Variants in SIK3 observed in about 807,000 individuals in gnomAD.
The protein encoded by SIK3 is SIK family kinase 3.
In SIK3, 28 loss-of-function variants were observed where a neutral mutation model predicts 144.2. That is an observed-to-expected ratio of 0.19 (90% CI 0.14 to 0.27). The LOEUF is 0.27. SIK3 is among the 10% of genes least tolerant of loss of function. SIK3 has a pLI of 1.00. For synonymous variants in SIK3, 686 were observed against 676.3 expected, an observed-to-expected ratio of 1.01 and a Z score of -0.22; for missense variants, 1,319 against 1,776.0, an observed-to-expected ratio of 0.74 and a Z score of 4.62.
At chr11:117,073,213 T>C (rs1954356381) in intron 1 of SIK3, among the ~76,000 whole-genome samples, 2 of 152,226 alleles carry the variant, frequency 1.3e-5, no homozygotes, top group African/African-American at 4.8e-5. Context: ...ACTTAAATTA[T>C]ATACACATTC....
At chr11:117,054,991 A>G (rs1276638820) in intron 1 of SIK3, among the ~76,000 whole-genome samples, 7 of 152,206 alleles carry the variant, frequency 4.6e-5, no homozygotes, top group Non-Finnish European at 1.5e-5. Context: ...TACCAGCACT[A>G]TGCTAAATAC....
intron 1 of SIK3, among the ~76,000 whole-genome samples, chr11:117,019,076 G>C (rs962890582): frequency 6.7e-6 from 1 of 148,316 alleles, no homozygotes; most frequent in Non-Finnish European, 1.5e-5. Context: ...CTGGAGTGCA[G>C]TGGCATGATC....
chr11:116,978,764 T>A (rs1460569851), intron 1 of SIK3, among the ~76,000 whole-genome samples: 1 of 152,144 alleles, frequency 6.6e-6, no homozygotes, highest in African/African-American at 2.4e-5. Flanking sequence ...TGCCTCAGCC[T>A]CCCAAAGTGC....
At chr11:116,954,337 T>G (rs557966977) in intron 2 of SIK3, among the ~76,000 whole-genome samples, 38 of 152,296 alleles carry the variant, frequency 2.5e-4, no homozygotes, top group Admixed American at 1.8e-3. Context: ...TTGAGAGAGA[T>G]AGGCTTTTTG....
intron 3 of SIK3, among the ~76,000 whole-genome samples, chr11:116,944,632 T>G (rs1473493970): frequency 2.6e-5 from 4 of 152,192 alleles, no homozygotes; most frequent in Non-Finnish European, 5.9e-5. Flanking sequence ...AGTTCTGCAT[T>G]TCGTACTTCT....
At chr11:116,882,292 C>T (rs1359166832) in intron 6 of SIK3, among the ~76,000 whole-genome samples, 2 of 152,148 alleles carry the variant, frequency 1.3e-5, no homozygotes, top group African/African-American at 4.8e-5. Flanking sequence ...ATTAAATACA[C>T]TGTGGTAGAG....
At chr11:116,938,214 G>A (rs1381836174) in intron 3 of SIK3, among the ~76,000 whole-genome samples, 1 of 90,736 alleles carries the variant, frequency 1.1e-5, no homozygotes, top group Non-Finnish European at 2.2e-5. Flanking sequence ...AGAGGGGAGG[G>A]GAGGGGAGGG....
intron 21 of SIK3, chr11:116,855,455 A>AAGGC (rs1412674079): frequency 1.3e-5 from 2 of 152,280 alleles, no homozygotes; most frequent in East Asian, 3.8e-4. Context: ...CCTGCCGAAG[A>AAGGC]AGGGGTCCTC....
intron 3 of SIK3, among the ~76,000 whole-genome samples, chr11:116,931,729 C>G (rs1254384123): frequency 1.3e-5 from 2 of 152,208 alleles, no homozygotes; most frequent in Non-Finnish European, 2.9e-5. Flanking sequence ...TCAGTTCTAT[C>G]ATTTCTTCTT....
At chr11:116,985,435 C>G (rs1367050837) in intron 1 of SIK3, among the ~76,000 whole-genome samples, 3 of 152,182 alleles carry the variant, frequency 2.0e-5, no homozygotes, top group African/African-American at 7.2e-5. Context: ...AAATTCATTA[C>G]AGCCTAGAAA....
At chr11:116,916,501 T>C (rs902071932) in intron 4 of SIK3, among the ~76,000 whole-genome samples, 1 of 150,332 alleles carries the variant, frequency 6.7e-6, no homozygotes. Flanking sequence ...ATTTCTATAA[T>C]ATCACATCAA....
At chr11:116,954,147 T>A in intron 2 of SIK3, 40 bp from the exon 3 acceptor site, 1 of 1,547,412 alleles carries the variant, frequency 6.5e-7, no homozygotes, top group Non-Finnish European at 8.9e-7. Context: ...GTGACACAAA[T>A]GACAGGCTGA....
At chr11:117,088,086 AATTAGCTGGGCATGGTGGCAT>A (rs1312554807) in intron 1 of SIK3, among the ~76,000 whole-genome samples, 1 of 152,068 alleles carries the variant, frequency 6.6e-6, no homozygotes, top group Non-Finnish European at 1.5e-5. Context: ...AATTTTTTAA[AATTAGCTGGGCATGGTGGCAT>A]GCACCTGTAG....
chr11:116,995,503 T>C (rs1950635137), intron 1 of SIK3, among the ~76,000 whole-genome samples: 1 of 151,942 alleles, frequency 6.6e-6, no homozygotes, highest in Non-Finnish European at 1.5e-5. Context: ...GCTCAAGGCA[T>C]CCACCCACCT....
intron 14 of SIK3, 39 bp from the exon 15 acceptor site, chr11:116,868,128 A>G: frequency 6.5e-7 from 1 of 1,550,226 alleles, no homozygotes; most frequent in Non-Finnish European, 8.7e-7. Context: ...TAAAAAAGAC[A>G]GACAGGAATA....
chr11:116,897,277 C>T lies in SIK3; in HGVS notation c.657G>A (p.Leu219=), dbSNP rs1945460943. The part of the protein sequence containing the change: ...FSNLFTPGQL[L]KTWCGSPPYA... ...AGGGAGGGCTGCCACACCAGGTCTT[C>T]AGCAGCTGCCCAGGAGTGAAGAGGT... The change falls in exon 5 of 25, where the codon CTG becomes CTA. Residue 219 remains leucine (L), a synonymous_variant. Coordinates refer to ENST00000445177, the MANE Select transcript of SIK3 (RefSeq NM_001366686.3). 6.2e-7 allele frequency: 1 copy of T among 1,614,034 alleles called. No homozygotes were observed. Among genetic ancestry groups the T allele is most frequent in the Non-Finnish European group, 8.5e-7 (1 of 1,179,910 alleles).
At chr11:116,952,004 G>A (rs1169480500) in intron 3 of SIK3, among the ~76,000 whole-genome samples, 3 of 151,976 alleles carry the variant, frequency 2.0e-5, no homozygotes, top group Admixed American at 6.6e-5. Flanking sequence ...TTCTTAAAGA[G>A]TAAGGTAGAT....
chr11:117,042,251 C>A (rs1952776506), intron 1 of SIK3, among the ~76,000 whole-genome samples: 1 of 152,200 alleles, frequency 6.6e-6, no homozygotes, highest in Non-Finnish European at 1.5e-5. Flanking sequence ...TACTTCTAAT[C>A]TCTGGAAGTT....
intron 1 of SIK3, among the ~76,000 whole-genome samples, chr11:117,000,085 G>A: frequency 6.6e-6 from 1 of 152,278 alleles, no homozygotes; most frequent in Middle Eastern, 3.4e-3. Context: ...ATGTATATTA[G>A]ATAGTTATAA....
Sources: allele counts gnomAD v4.1 joint callset (sites outside exome capture counted in the v4.1 genomes callset), GRCh38; gene constraint gnomAD v4.1.1; transcripts MANE v1.5; gene names NCBI Gene and HGNC (gene_info 2026-07-23, HGNC 2026-07-21).